The following PIWIL2 variants were observed in gnomAD, a reference collection of about 807,000 sequenced individuals.
The protein encoded by PIWIL2 is piwi-like protein 2.
Under a neutral mutation model 116.5 loss-of-function variants are expected in PIWIL2, and 81 were observed. That is an observed-to-expected ratio of 0.70 (90% CI 0.58 to 0.84). The LOEUF (loss-of-function observed/expected upper bound fraction) is 0.84, where lower values mean the gene tolerates loss of function less well. Ranked by LOEUF, PIWIL2 falls within the 40% of genes least tolerant of loss-of-function variation. PIWIL2 has a pLI of 0.00. For synonymous variants in PIWIL2, 489 were observed against 429.5 expected, an observed-to-expected ratio of 1.14 and a Z score of -1.71; for missense variants, 1,272 against 1,212.3, an observed-to-expected ratio of 1.05 and a Z score of -0.73.
At chr8:22,321,173 G>A (rs1380363551) in intron 20 of PIWIL2, among the ~76,000 whole-genome samples, 1 of 151,898 alleles carries the variant, frequency 6.6e-6, no homozygotes, top group Non-Finnish European at 1.5e-5. Context: ...GAATATAAAT[G>A]TTCTCTGAAT....
At chr8:22,317,202 TTTGA>T (rs1179942362) in intron 19 of PIWIL2, among the ~76,000 whole-genome samples, 1 of 152,202 alleles carries the variant, frequency 6.6e-6, no homozygotes, top group Admixed American at 6.5e-5. Context: ...ATGAGGTTTT[TTTGA>T]TTGTTTGTTC....
At chr8:22,329,371 G>A (rs957785365) in intron 20 of PIWIL2, among the ~76,000 whole-genome samples, 1 of 152,196 alleles carries the variant, frequency 6.6e-6, no homozygotes, top group Non-Finnish European at 1.5e-5. Context: ...GCATAATGCT[G>A]GCATCCACTC....
intron 5 of PIWIL2, among the ~76,000 whole-genome samples, chr8:22,283,636 C>T (rs1406969332): frequency 1.3e-5 from 2 of 152,136 alleles, no homozygotes; most frequent in Non-Finnish European, 2.9e-5. Flanking sequence ...GTCTTGAACT[C>T]CTGACCTCGT....
At chr8:22,307,891 GAAGTTATCTTTAT>G (rs778482383) in intron 13 of PIWIL2, 29 bp from the exon 14 acceptor site, 3 of 1,501,274 alleles carry the variant, frequency 2.0e-6, no homozygotes, top group East Asian at 2.3e-5. Context: ...TCATATTGGT[GAAGTTATCTTTAT>G]AAGTTATCTT....
chr8:22,302,366 GA>G (rs769341800), intron 10 of PIWIL2, among the ~76,000 whole-genome samples: 5 of 151,950 alleles, frequency 3.3e-5, no homozygotes, highest in Non-Finnish European at 5.9e-5. Flanking sequence ...ATTTTTAGTA[GA>G]AATGGGTTTC....
At chr8:22,277,736 G>A (rs1586525298) in intron 1 of PIWIL2, among the ~76,000 whole-genome samples, 1 of 152,258 alleles carries the variant, frequency 6.6e-6, no homozygotes. Flanking sequence ...CAGCTAAACA[G>A]ATCAAGGAAG....
rs1480339570 is a variant in PIWIL2, at chr8:22,356,119, C to G, written c.*614C>G. On this transcript the variant is annotated 3_prime_UTR_variant, in exon 23 of 23. Transcript: ENST00000356766. ...CATGAGCTGCAGAAACCAGCAGAAG[C>G]AGCCATTATACTTCTAAGCTGTGCC... 6.6e-6 allele frequency: 1 copy of G among 150,952 alleles called. No individual in the cohort carries two copies. Among genetic ancestry groups the G allele is most frequent in the African/African-American group, 2.4e-5 (1 of 40,970 alleles). The allele number at this position is 150,952 out of a possible 1,614,324, so 9.4% of individuals were successfully genotyped here. A position where few individuals can be genotyped will look rare whatever the true frequency, so the allele number is the denominator to read the frequency against.
In PIWIL2 at chr8:22,311,076, T is replaced by C. The variant is rs777476654; in HGVS notation, c.1801-36T>C. 7 of 1,525,232 alleles carry C rather than the reference T, an allele frequency of 4.6e-6. No individual in the cohort carries two copies. In the East Asian group the frequency reaches 1.4e-4, roughly 30 times the overall value. 94.5% of individuals were successfully genotyped at this position (1,525,232 alleles called of 1,614,324 possible). On this transcript the variant is annotated intron_variant, in intron 15 of 22. Coordinates refer to ENST00000356766, the MANE Select transcript of PIWIL2 (RefSeq NM_018068.5). The stretch of plus-strand genomic sequence containing the variant: ...TAAGTATGAGTTTGGGATATTTAAA[T>C]TGTGAGAAATACTAAAAGCTCTTGG...
intron 8 of PIWIL2, 43 bp from the exon 9 acceptor site, chr8:22,289,804 A>T (rs779519599): frequency 1.7e-6 from 2 of 1,157,456 alleles, no homozygotes; most frequent in Non-Finnish European, 1.3e-6. Context: ...ACATAATTTT[A>T]TTACTCTTCT....
chr8:22,290,435 T>G (rs1397446630), intron 10 of PIWIL2, 89 bp downstream of exon 10: 1 of 711,660 alleles, frequency 1.4e-6, no homozygotes, highest in African/African-American at 1.8e-5. Flanking sequence ...TTAGACATTG[T>G]TCTGTTTGTT....
At chr8:22,300,496 A>G (rs1831020202) in intron 10 of PIWIL2, among the ~76,000 whole-genome samples, 1 of 152,148 alleles carries the variant, frequency 6.6e-6, no homozygotes, top group African/African-American at 2.4e-5. Flanking sequence ...GTGGACTTAT[A>G]CTTTCATTTG....
Position 22,355,839 on chromosome 8 carries a change from C to T in PIWIL2, c.*334C>T, listed in dbSNP as rs1471464299. ...CTGTAATCCAAGCACTTTGGGAGGC[C>T]GAGGCGGGTGGATCATGAGGTCAGG... On this transcript the variant is annotated 3_prime_UTR_variant, in exon 23 of 23. Transcript: ENST00000356766. 4.1e-6 allele frequency: 1 copy of T among 244,418 alleles called. No homozygotes were observed. The highest frequency in any genetic ancestry group is 8.4e-5 in the East Asian group (1 of 11,966). The allele number at this position is 244,418 out of a possible 1,614,324, so 15.1% of individuals were successfully genotyped here.
intron 22 of PIWIL2, among the ~76,000 whole-genome samples, chr8:22,354,901 C>T (rs902657532): frequency 1.3e-5 from 2 of 152,074 alleles, no homozygotes; most frequent in Non-Finnish European, 2.9e-5. Context: ...AAAACCCTGT[C>T]TCTACTAAAA....
rs751719969 is a variant in PIWIL2, at chr8:22,290,331, G to C, written c.1166G>C (p.Cys389Ser). 1 of 1,601,870 alleles carries C rather than the reference G, an allele frequency of 6.2e-7. No homozygotes were observed. The highest frequency in any genetic ancestry group is 1.1e-5 in the South Asian group (1 of 90,634). Reference protein sequence around the residue: ...DVSHKVIRNDCVLDVMHAIYQ... With the variant: ...DVSHKVIRNDSVLDVMHAIYQ... ...TCCCATAAGGTCATTCGGAATGACT[G>C]TGTGCTGGATGTCATGTGAGTGAAT... Residue 389 changes from cysteine (C) to serine (S), a missense_variant, in exon 10 of 23, where the codon TGT becomes TCT. Cys to Ser is a moderately radical substitution (Grantham distance 112). Coordinates refer to ENST00000356766, the MANE Select transcript of PIWIL2 (RefSeq NM_018068.5).
At chr8:22,326,673 T>A (rs1401178400) in intron 20 of PIWIL2, among the ~76,000 whole-genome samples, 1 of 152,234 alleles carries the variant, frequency 6.6e-6, no homozygotes. Flanking sequence ...ATATTAATAC[T>A]TTTTTCCTTT....
chr8:22,277,318 G>A (rs532231170), intron 1 of PIWIL2, among the ~76,000 whole-genome samples: 35 of 152,224 alleles, frequency 2.3e-4, no homozygotes, highest in African/African-American at 6.5e-4. Flanking sequence ...CACCATGCCC[G>A]ACCTACAGGT....
Position 22,281,139 on chromosome 8 carries a change from C to T in PIWIL2, c.218C>T (p.Ser73Phe). 1 of 1,611,628 alleles carries T rather than the reference C, an allele frequency of 6.2e-7. No homozygotes were observed. The highest frequency in any genetic ancestry group is 2.2e-5 in the East Asian group (1 of 44,834). ...CCACAGGAGTCTGTGGGTTTGGTCT[C>T]CATGTTCCGAGGCCTGGGCATTGAA... ...PAQRESVGLVSMFRGLGIETV... is the reference protein window; with the variant it reads ...PAQRESVGLVFMFRGLGIETV... Residue 73 changes from serine to phenylalanine, a missense_variant, in exon 3 of 23, where the codon TCC becomes TTC. By Grantham distance (155) the Ser-to-Phe change is radical. Coordinates refer to ENST00000356766, the MANE Select transcript of PIWIL2 (RefSeq NM_018068.5).
At chr8:22,289,256 G>A (rs540154154) in intron 8 of PIWIL2, among the ~76,000 whole-genome samples, 46 of 151,326 alleles carry the variant, frequency 3.0e-4, no homozygotes, top group Non-Finnish European at 2.9e-5. Context: ...TGGTTCAAGT[G>A]ATTGTCCTGC....
At chr8:22,352,059 C>G (rs183500317) in intron 20 of PIWIL2, among the ~76,000 whole-genome samples, 277 of 152,296 alleles carry the variant, frequency 1.8e-3, no homozygotes, top group African/African-American at 6.2e-3. Flanking sequence ...ATTTTCCTGC[C>G]TCAGCCTCCC....
Sources: gnomAD v4.1 joint callset for allele counts (sites outside exome capture counted in the v4.1 genomes callset) on GRCh38, gnomAD v4.1.1 for gene constraint, MANE v1.5 for transcripts, NCBI Gene and HGNC (gene_info 2026-07-23, HGNC 2026-07-21) for gene names.